The following TOR3A variants were observed in gnomAD, a reference collection of about 807,000 sequenced individuals.
The protein encoded by TOR3A is torsin family 3 member A.
In TOR3A, 44 loss-of-function variants were observed where a neutral mutation model predicts 42.1. The observed-to-expected ratio is 1.04, with a 90% confidence interval of 0.82 to 1.34. TOR3A has a LOEUF of 1.34. Among genes scored for constraint, TOR3A ranks in the 40% most tolerant of loss-of-function variants. The pLI is 0.00. For synonymous variants in TOR3A, 227 were observed against 213.2 expected, an observed-to-expected ratio of 1.06 and a Z score of -0.57; for missense variants, 521 against 507.6, an observed-to-expected ratio of 1.03 and a Z score of -0.25.
At chr1:179,086,635 C>T (rs927368049) in intron 3 of TOR3A, among the ~76,000 whole-genome samples, 3 of 147,556 alleles carry the variant, frequency 2.0e-5, no homozygotes, top group Non-Finnish European at 4.4e-5. Context: ...CGCTGCACTC[C>T]AGCCTGGGCA....
chr1:179,085,967 G>A (rs1417447172), intron 3 of TOR3A, 74 bp downstream of exon 3: 1 of 1,554,438 alleles, frequency 6.4e-7, no homozygotes, highest in East Asian at 2.3e-5. Flanking sequence ...TCCTTGCAAG[G>A]AAATGGGCTC....
intron 3 of TOR3A, among the ~76,000 whole-genome samples, chr1:179,086,510 C>T (rs1652437730): frequency 6.6e-6 from 1 of 152,118 alleles, no homozygotes; most frequent in Non-Finnish European, 1.5e-5. Context: ...ACTAAAAATA[C>T]AAAAACTTAG....
Position 179,082,257 on chromosome 1 carries a change from G to A in TOR3A, c.129G>A (p.Pro43=), listed in dbSNP as rs1043208866. Residue 43 remains proline, a synonymous_variant, in exon 1 of 6, where the codon CCG becomes CCA. Coordinates refer to ENST00000367627, the MANE Select transcript of TOR3A (RefSeq NM_022371.4). ...TDEPGSAWAW[P]GFQRLQEQLR... ...AGCCGGGCTCGGCCTGGGCCTGGCC[G>A]GGCTTCCAGCGCCTGCAGGAGCAGC... 2.6e-6 allele frequency: 4 copies of A among 1,552,186 alleles called. No homozygotes were observed. The African/African-American group carries it at 5.7e-5, about 22-fold the overall frequency.
intron 2 of TOR3A, among the ~76,000 whole-genome samples, chr1:179,083,837 C>T (rs566513035): frequency 1.3e-5 from 2 of 152,184 alleles, no homozygotes; most frequent in African/African-American, 4.8e-5. Flanking sequence ...AAAGCTTCCT[C>T]TCTTTTCCCC....
chr1:179,094,369 C>T, intron 5 of TOR3A, 152 bp downstream of exon 5: 5 of 1,029,666 alleles, frequency 4.9e-6, no homozygotes, highest in Non-Finnish European at 6.7e-6. Flanking sequence ...TGGGTGGGCA[C>T]AAGAAAAGTG....
intron 3 of TOR3A, among the ~76,000 whole-genome samples, chr1:179,087,118 A>G (rs1209259244): frequency 6.6e-6 from 1 of 152,226 alleles, no homozygotes; most frequent in Non-Finnish European, 1.5e-5. Flanking sequence ...ACAAAGGTGC[A>G]CCCAGTAGAC....
intron 2 of TOR3A, among the ~76,000 whole-genome samples, chr1:179,083,468 C>A (rs183188814): frequency 3.3e-5 from 5 of 151,558 alleles, no homozygotes; most frequent in African/African-American, 1.2e-4. Context: ...TCTCAGCTCA[C>A]TGCACCCTCC....
At chr1:179,084,119 T>C (rs1652370539) in intron 2 of TOR3A, among the ~76,000 whole-genome samples, 1 of 152,182 alleles carries the variant, frequency 6.6e-6, no homozygotes. Context: ...AGGGCCTGGA[T>C]ATCCAAATTG....
intron 2 of TOR3A, among the ~76,000 whole-genome samples, chr1:179,084,859 GTC>G (rs1652386688): frequency 6.6e-6 from 1 of 152,186 alleles, no homozygotes; most frequent in African/African-American, 2.4e-5. Flanking sequence ...ACAACCTCAC[GTC>G]TGACAGGAGG....
rs1190416562 is a variant in TOR3A, at chr1:179,082,138, G to C, written c.10G>C (p.Gly4Arg). The change falls in exon 1 of 6, where the codon GGT (glycine) becomes CGT (arginine). Residue 4 changes from glycine (G) to arginine (R), a missense_variant. Coordinates refer to ENST00000367627, the MANE Select transcript of TOR3A (RefSeq NM_022371.4). MLR[G>R]PWRQLWLFFL... is the part of the protein sequence containing the mutation. Reference sequence around the variant, plus strand: ...CAGCTCGGGGCCGGCCATGCTTCGCGGTCCGTGGCGCCAGCTTTGGCTCTT... The same window carrying C: ...CAGCTCGGGGCCGGCCATGCTTCGCCGTCCGTGGCGCCAGCTTTGGCTCTT... 1.3e-6 allele frequency: 2 copies of C among 1,501,576 alleles called. No homozygotes were observed. The highest frequency in any genetic ancestry group is 2.5e-5 in the South Asian group (2 of 79,076). The allele number at this position is 1,501,576 out of a possible 1,614,324, so 93.0% of individuals were successfully genotyped here.
chr1:179,083,577 GAGGC>G (rs1180759345), intron 2 of TOR3A, among the ~76,000 whole-genome samples: 9 of 11,240 alleles, frequency 8.0e-4, no homozygotes, highest in Non-Finnish European at 1.5e-3. Context: ...ATTTTTAGTA[GAGGC>G]GGGGGGGGGG....
intron 3 of TOR3A, among the ~76,000 whole-genome samples, chr1:179,086,205 G>T (rs1488986060): frequency 6.6e-6 from 1 of 152,228 alleles, no homozygotes; most frequent in Non-Finnish European, 1.5e-5. Flanking sequence ...CTGCAGTGTA[G>T]AACAGAGAAA....
At chr1:179,088,439 TG>T (rs1196034199) in intron 4 of TOR3A, 1 of 159,932 alleles carries the variant, frequency 6.3e-6, no homozygotes, top group African/African-American at 2.4e-5. Context: ...ACCCAGGAGG[TG>T]GGGGTTGCAG....
At chr1:179,085,572 G>C in intron 2 of TOR3A, 56 bp from the exon 3 acceptor site, 6 of 1,590,942 alleles carry the variant, frequency 3.8e-6, no homozygotes, top group Non-Finnish European at 5.2e-6. Context: ...GTTGGCTGTT[G>C]TGGTGGATGG....
At position 179,094,984 on chromosome 1, in the gene TOR3A, C is replaced by T. The variant is rs1399747244; in HGVS notation, c.960C>T (p.His320=). 10 of 1,614,212 alleles carry T rather than the reference C, an allele frequency of 6.2e-6. No individual in the cohort carries two copies. Among genetic ancestry groups the T allele is most frequent in the South Asian group, 2.2e-5 (2 of 91,082 alleles). ...TGCTTTCAGACAATGGCTTTGGCCA[C>T]AGCCGTCTTGTGAAGGAAAACCTGA... ...IVETIDNGFG[H]SRLVKENLID... The change falls in exon 6 of 6, where the codon CAC becomes CAT. Residue 320 remains histidine, a synonymous_variant. Transcript: ENST00000367627.
intron 1 of TOR3A, 143 bp downstream of exon 1, chr1:179,082,530 G>A: frequency 7.7e-7 from 1 of 1,296,002 alleles, no homozygotes; most frequent in Non-Finnish European, 1.0e-6. Flanking sequence ...GCTGTGGGCG[G>A]GGGCAGCCTC....
rs1557889997 is a variant in TOR3A at position 179,094,988 on chromosome 1, C to CGTCTT, written c.967_971dup (p.Lys325LeufsTer2). On this transcript the variant is annotated frameshift_variant, in exon 6 of 6. Coordinates refer to ENST00000367627, the MANE Select transcript of TOR3A (RefSeq NM_022371.4). LOFTEE classifies it high-confidence loss of function. ...TTCAGACAATGGCTTTGGCCACAGC[C>CGTCTT]GTCTTGTGAAGGAAAACCTGATTGA... 9.3e-6 allele frequency: 15 copies of CGTCTT among 1,614,184 alleles called. No homozygotes were observed. The highest frequency in any genetic ancestry group is 1.7e-5 in the Admixed American group (1 of 60,020).
At chr1:179,092,207 C>A (rs896652827) in intron 4 of TOR3A, among the ~76,000 whole-genome samples, 2 of 152,214 alleles carry the variant, frequency 1.3e-5, no homozygotes, top group African/African-American at 4.8e-5. Flanking sequence ...GGGAGAGAAC[C>A]ACACAGCTCC....
chr1:179,082,072 G>C lies in TOR3A; in HGVS notation c.-57G>C. 1 of 1,414,112 alleles carries C rather than the reference G, an allele frequency of 7.1e-7. No homozygotes were observed. The highest frequency in any genetic ancestry group is 9.1e-7 in the Non-Finnish European group (1 of 1,095,396). 87.6% of individuals were successfully genotyped at this position (1,414,112 alleles called of 1,614,324 possible). On this transcript the variant is annotated 5_prime_UTR_variant, in exon 1 of 6. Coordinates refer to ENST00000367627, the MANE Select transcript of TOR3A (RefSeq NM_022371.4). ...TGCGGTCCCCGCCTGACCGCCCCGG[G>C]CTTAAGGGAGCCTGGCTAGGCCGGC...
Sources: gnomAD v4.1 joint callset for allele counts (sites outside exome capture counted in the v4.1 genomes callset) on GRCh38, gnomAD v4.1.1 for gene constraint, MANE v1.5 for transcripts, NCBI Gene and HGNC (gene_info 2026-07-23, HGNC 2026-07-21) for gene names.